CASR: variants seen among roughly 807,000 people sequenced by gnomAD.
CASR encodes the protein extracellular calcium-sensing receptor.
Under a neutral mutation model 69.1 loss-of-function variants are expected in CASR, and 23 were observed. The observed-to-expected ratio is 0.33, with a 90% confidence interval of 0.24 to 0.47. CASR has a LOEUF of 0.47. CASR is among the 20% of genes least tolerant of loss of function. The pLI, the probability that CASR is intolerant of heterozygous loss-of-function variation, is 1.00. For missense variants in CASR, 924 were observed against 1,356.1 expected (o/e 0.68, Z 5.00); for synonymous variants, 541 against 544.7 (o/e 0.99, Z 0.10).
At chr3:122,187,711 A>G (rs760861286) in intron 1 of CASR, among the ~76,000 whole-genome samples, 2 of 152,198 alleles carry the variant, frequency 1.3e-5, no homozygotes, top group Non-Finnish European at 2.9e-5. Flanking sequence ...AGAAGAAGGT[A>G]TAATGGGAGA....
rs1217776194 is a variant in CASR, at chr3:122,259,779, G to A, written c.493-1749G>A. 2.6e-5 allele frequency among the ~76,000 whole-genome samples: 4 copies of A among 152,012 alleles called. No homozygotes were observed. The East Asian group carries it at 5.8e-4, about 22-fold the overall frequency. On this transcript the variant is annotated intron_variant, in intron 3 of 6. Transcript: ENST00000639785. ...CGAGTAGCTGGGACTACAGGCGCCC[G>A]CCACCACGCCCGGCTAATTTTTTGT...
At chr3:122,273,546 T>C (rs1034772920) in intron 4 of CASR, among the ~76,000 whole-genome samples, 1 of 152,174 alleles carries the variant, frequency 6.6e-6, no homozygotes, top group Non-Finnish European at 1.5e-5. Flanking sequence ...GACAGGATAG[T>C]GGAAACTCTA....
rs1481070914 is a variant in CASR, at chr3:122,286,714, C to T, written c.*1523C>T. ...TCAGCCCCTCAGGTGGCCCAATGCC[C>T]TGTCTCCGCAGTGTCAGGGCCTGGA... On this transcript the variant is annotated 3_prime_UTR_variant, in exon 7 of 7. Coordinates refer to ENST00000639785, the MANE Select transcript of CASR (RefSeq NM_000388.4). 1.3e-5 allele frequency: 2 copies of T among 152,260 alleles called. No individual in the cohort carries two copies. Among genetic ancestry groups the T allele is most frequent in the East Asian group, 3.8e-4 (2 of 5,196 alleles). The allele number at this position is 152,260 out of a possible 1,614,324, so 9.4% of individuals were successfully genotyped here.
intron 1 of CASR, among the ~76,000 whole-genome samples, chr3:122,226,341 G>A (rs1039476116): frequency 6.6e-6 from 1 of 151,918 alleles, no homozygotes; most frequent in African/African-American, 2.4e-5. Flanking sequence ...TGTTCCTCCC[G>A]GTGGGTTCAT....
At chr3:122,228,980 C>T in intron 1 of CASR, among the ~76,000 whole-genome samples, 1 of 152,172 alleles carries the variant, frequency 6.6e-6, no homozygotes, top group East Asian at 1.9e-4. Context: ...CAGGACTTCT[C>T]AATCATGTAT....
intron 5 of CASR, 95 bp from the exon 6 acceptor site, chr3:122,282,018 C>A: frequency 1.3e-6 from 2 of 1,579,406 alleles, no homozygotes; most frequent in East Asian, 4.5e-5. Context: ...TTCTTGTGCC[C>A]AAACTCCTCC....
Position 122,282,226 on chromosome 3 carries a change from T to G in CASR, c.1722T>G (p.Ser574Arg). Residue 574 changes from serine to arginine, a missense_variant, in exon 6 of 7, where the codon AGT (serine) becomes AGG (arginine). Ser to Arg is a moderately radical substitution (Grantham distance 110, BLOSUM62 -1). Transcript: ENST00000639785. Reference sequence around the variant, plus strand: ...TGGAGTGTCCTGATGGGGAGTATAGTGATGAGACAGGTAAGGGAACCCCTC... The same window carrying G: ...TGGAGTGTCCTGATGGGGAGTATAGGGATGAGACAGGTAAGGGAACCCCTC... ...ECVECPDGEYSDETDASACNK... is the reference protein window; with the variant it reads ...ECVECPDGEYRDETDASACNK... 1 of 1,614,000 alleles carries G rather than the reference T, an allele frequency of 6.2e-7. No individual in the cohort carries two copies. Among genetic ancestry groups the G allele is most frequent in the Non-Finnish European group, 8.5e-7 (1 of 1,179,960 alleles).
chr3:122,218,277 T>G (rs2074136525), intron 1 of CASR, among the ~76,000 whole-genome samples: 1 of 152,034 alleles, frequency 6.6e-6, no homozygotes, highest in African/African-American at 2.4e-5. Flanking sequence ...AGCTCACACC[T>G]GTAATCCCAG....
chr3:122,228,372 T>TAG (rs2074246280), intron 1 of CASR, among the ~76,000 whole-genome samples: 1 of 152,242 alleles, frequency 6.6e-6, no homozygotes, highest in Non-Finnish European at 1.5e-5. Flanking sequence ...TTTAGGTAGT[T>TAG]TTATGACATG....
Position 122,191,474 on chromosome 3 carries a change from G to C in CASR, c.-243+7662G>C, listed in dbSNP as rs538345483. Among the ~76,000 whole-genome samples the C allele has an allele frequency of 4.2e-4, 64 of 152,104 alleles. 1 individual carries two copies. Among genetic ancestry groups the C allele is most frequent in the Middle Eastern group, 3.4e-3 (1 of 294 alleles). On this transcript the variant is annotated intron_variant, in intron 1 of 6. Coordinates refer to ENST00000639785, the MANE Select transcript of CASR (RefSeq NM_000388.4). ...TTACAGGCGCCCACCACCATGCCTG[G>C]CTAATTTTTGTGTTTTTAGTAGAGA...
chr3:122,249,876 T>G (rs1576848393), intron 1 of CASR, among the ~76,000 whole-genome samples: 1 of 152,202 alleles, frequency 6.6e-6, no homozygotes, highest in African/African-American at 2.4e-5. Context: ...GAAGCCTTTT[T>G]TCTCTGTCAG....
rs2107649987 is a variant in CASR at position 122,284,084 on chromosome 3, C to T, written c.2130C>T (p.Ile710=). 2 of 1,614,200 alleles carry T rather than the reference C, an allele frequency of 1.2e-6. No homozygotes were observed. The highest frequency in any genetic ancestry group is 1.7e-6 in the Non-Finnish European group (2 of 1,180,034). Residue 710 remains isoleucine (I), a synonymous_variant, in exon 7 of 7, where the codon ATC becomes ATT. Coordinates refer to ENST00000639785, the MANE Select transcript of CASR (RefSeq NM_000388.4). ...TCCTCCTGGTGTTTGAGGCCAAGAT[C>T]CCCACCAGCTTCCACCGCAAGTGGT... ...NRVLLVFEAK[I]PTSFHRKWWG... is the part of the protein sequence containing the mutation.
In CASR at chr3:122,257,348, G is replaced by C. The variant is rs201849172; in HGVS notation, c.453G>C (p.Thr151=). 2 of 1,614,094 alleles carry C rather than the reference G, an allele frequency of 1.2e-6. No homozygotes were observed. Among genetic ancestry groups the C allele is most frequent in the South Asian group, 2.2e-5 (2 of 91,086 alleles). Residue 151 remains threonine (T), a synonymous_variant, in exon 3 of 7, where the codon ACG becomes ACC. Transcript: ENST00000639785. Reference sequence around the variant, plus strand: ...GAGCAACTGGCTCAGGCGTCTCCACGGCAGTGGCAAATCTGCTGGGGCTCT... The same window carrying C: ...GAGCAACTGGCTCAGGCGTCTCCACCGCAGTGGCAAATCTGCTGGGGCTCT... ...VVGATGSGVS[T]AVANLLGLFY...
At chr3:122,218,265 G>A (rs1345329570) in intron 1 of CASR, among the ~76,000 whole-genome samples, 2 of 152,048 alleles carry the variant, frequency 1.3e-5, no homozygotes, top group East Asian at 1.9e-4. Context: ...GCCAAGCATG[G>A]TAGCTCACAC....
intron 1 of CASR, among the ~76,000 whole-genome samples, chr3:122,210,762 A>T (rs1337970309): frequency 6.6e-6 from 1 of 152,204 alleles, no homozygotes; most frequent in African/African-American, 2.4e-5. Flanking sequence ...AGCCAAAAAA[A>T]AGAGCCCATA....
chr3:122,241,978 C>T (rs779733306), intron 1 of CASR, among the ~76,000 whole-genome samples: 3 of 152,046 alleles, frequency 2.0e-5, no homozygotes, highest in Non-Finnish European at 4.4e-5. Context: ...TAAAGTTCAA[C>T]ATCACTTTAT....
chr3:122,272,594 A>T (rs2074772994), intron 4 of CASR, among the ~76,000 whole-genome samples: 1 of 152,196 alleles, frequency 6.6e-6, no homozygotes, highest in African/African-American at 2.4e-5. Context: ...ATACCCCATC[A>T]GTTAGCAGTT....
intron 1 of CASR, among the ~76,000 whole-genome samples, chr3:122,187,291 G>A (rs931575986): frequency 6.6e-6 from 1 of 152,088 alleles, no homozygotes; most frequent in African/African-American, 2.4e-5. Flanking sequence ...TTCTAAAGCT[G>A]CATGATCCTT....
intron 1 of CASR, among the ~76,000 whole-genome samples, chr3:122,239,542 G>T (rs1219169112): frequency 6.6e-6 from 1 of 152,240 alleles, no homozygotes; most frequent in Admixed American, 6.5e-5. Context: ...ACTGCTGATG[G>T]CAGAGCCCTA....
Sources: allele counts gnomAD v4.1 joint callset (sites outside exome capture counted in the v4.1 genomes callset), GRCh38; gene constraint gnomAD v4.1.1; transcripts MANE v1.5; gene names NCBI Gene and HGNC (gene_info 2026-07-23, HGNC 2026-07-21).